GPC6: variants seen among roughly 807,000 people sequenced by gnomAD.
GPC6 encodes the protein glypican-6.
A neutral mutation model predicts 55.2 loss-of-function variants in GPC6; 14 were observed. The ratio of observed to expected loss-of-function variants is 0.25; its 90% CI spans 0.17 to 0.40. The LOEUF is 0.40. GPC6 is among the 10% of genes least tolerant of loss of function. The pLI, the probability that GPC6 is intolerant of heterozygous loss-of-function variation, is 1.00. For missense variants in GPC6, 641 were observed against 708.5 expected, an observed-to-expected ratio of 0.90 and a Z score of 1.08; for synonymous variants, 278 against 259.6, an observed-to-expected ratio of 1.07 and a Z score of -0.68.
chr13:93,546,446 C>T (rs959805905), intron 2 of GPC6, among the ~76,000 whole-genome samples: 12 of 152,148 alleles, frequency 7.9e-5, no homozygotes, highest in Non-Finnish European at 1.6e-4. Context: ...CTCAAAGTTA[C>T]GGAAGACAGG....
At chr13:93,629,359 A>T (rs1350322162) in intron 2 of GPC6, among the ~76,000 whole-genome samples, 6 of 152,158 alleles carry the variant, frequency 3.9e-5, no homozygotes, top group Non-Finnish European at 2.9e-5. Flanking sequence ...TTGAATGATT[A>T]TACTTATTAT....
At chr13:93,783,747 A>G (rs551944746) in intron 2 of GPC6, among the ~76,000 whole-genome samples, 1 of 152,282 alleles carries the variant, frequency 6.6e-6, no homozygotes, top group South Asian at 2.1e-4. Context: ...CCTATCATGC[A>G]GCCTACACTG....
At chr13:93,795,956 T>A (rs963497762) in intron 2 of GPC6, among the ~76,000 whole-genome samples, 3 of 151,770 alleles carry the variant, frequency 2.0e-5, no homozygotes, top group African/African-American at 7.3e-5. Flanking sequence ...ACGCCTGTAG[T>A]CCAGGTCACT....
At position 93,227,423 on chromosome 13, in the gene GPC6, T is replaced by G. The variant is rs1381279853; in HGVS notation, c.-34T>G. 1 of 1,610,558 alleles carries G rather than the reference T, an allele frequency of 6.2e-7. No individual in the cohort carries two copies. The highest frequency in any genetic ancestry group is 2.2e-5 in the East Asian group (1 of 44,740). On this transcript the variant is annotated 5_prime_UTR_variant, in exon 1 of 9. Coordinates refer to ENST00000377047, the MANE Select transcript of GPC6 (RefSeq NM_005708.5). The surrounding 1 kb of genome is among the most constrained non-coding windows in gnomAD (Gnocchi z 4.3). ...GGCAAGGTGAAGAGCGCACCGGCCG[T>G]GGGGTTTACCGAGCTGGATTTGTAT... is the stretch of plus-strand genomic sequence containing the variant.
chr13:93,719,602 C>G (rs973554567), intron 2 of GPC6, among the ~76,000 whole-genome samples: 1 of 151,988 alleles, frequency 6.6e-6, no homozygotes, highest in Non-Finnish European at 1.5e-5. Flanking sequence ...TTGCCCTGGC[C>G]AGAACTTCTA....
intron 4 of GPC6, among the ~76,000 whole-genome samples, chr13:94,045,087 C>T (rs1317657614): frequency 6.6e-6 from 1 of 151,628 alleles, no homozygotes; most frequent in Non-Finnish European, 1.5e-5. Context: ...ATTAGGGAAA[C>T]ATTTTCATTG....
At position 94,061,463 on chromosome 13, in the gene GPC6, T is replaced by A. The variant is rs565397879; in HGVS notation, c.877+33569T>A. On this transcript the variant is annotated intron_variant, in intron 4 of 8. Coordinates refer to ENST00000377047, the MANE Select transcript of GPC6 (RefSeq NM_005708.5). ...GTGACAGACATGGAAGCCAGAGTTG[T>A]GGCTGCAATAAATATTCATAACTGC... Among the ~76,000 whole-genome samples, 7 of 152,300 alleles carry A rather than the reference T, an allele frequency of 4.6e-5. No individual in the cohort carries two copies. In the East Asian group the frequency reaches 1.4e-3, roughly 29 times the overall value.
intron 3 of GPC6, among the ~76,000 whole-genome samples, chr13:93,882,142 G>C (rs992462181): frequency 2.5e-5 from 3 of 121,658 alleles, no homozygotes; most frequent in East Asian, 4.7e-4. Flanking sequence ...TTTTGTTTTT[G>C]TTTTATTTTT....
chr13:93,542,238 A>G (rs218881), intron 1 of GPC6, among the ~76,000 whole-genome samples: 2 of 152,212 alleles, frequency 1.3e-5, no homozygotes, highest in Admixed American at 1.3e-4. Context: ...AGCTTTCTAC[A>G]TATGGCTAGC....
At chr13:94,176,475 A>T (rs772252389) in intron 4 of GPC6, among the ~76,000 whole-genome samples, 4 of 152,138 alleles carry the variant, frequency 2.6e-5, no homozygotes, top group Non-Finnish European at 5.9e-5. Flanking sequence ...GCCTTTCCTA[A>T]CTCATTCACC....
intron 1 of GPC6, among the ~76,000 whole-genome samples, chr13:93,362,615 G>A (rs1045620185): frequency 6.6e-6 from 1 of 152,036 alleles, no homozygotes; most frequent in African/African-American, 2.4e-5. Context: ...AATAAATATG[G>A]CTGGAGTTAG....
At chr13:94,281,264 G>A (rs1190999221) in intron 4 of GPC6, among the ~76,000 whole-genome samples, 1 of 152,086 alleles carries the variant, frequency 6.6e-6, no homozygotes, top group African/African-American at 2.4e-5. Flanking sequence ...ATGTGCCATG[G>A]TGGTTTGCTG....
At chr13:93,736,439 TG>T (rs1486707436) in intron 2 of GPC6, among the ~76,000 whole-genome samples, 1 of 152,222 alleles carries the variant, frequency 6.6e-6, no homozygotes, top group African/African-American at 2.4e-5. Flanking sequence ...AGAGAATGCA[TG>T]CCACTTCTCT....
At chr13:94,216,526 A>T (rs1890228676) in intron 4 of GPC6, among the ~76,000 whole-genome samples, 2 of 152,242 alleles carry the variant, frequency 1.3e-5, no homozygotes, top group African/African-American at 4.8e-5. Flanking sequence ...AACCAAATTG[A>T]TATGAGAATC....
At chr13:93,572,910 A>G (rs1876475475) in intron 2 of GPC6, among the ~76,000 whole-genome samples, 1 of 152,186 alleles carries the variant, frequency 6.6e-6, no homozygotes, top group African/African-American at 2.4e-5. Context: ...AGAACTTCAT[A>G]AAAGAGAGCC....
chr13:93,564,305 G>C (rs1875975090), intron 2 of GPC6, among the ~76,000 whole-genome samples: 1 of 152,068 alleles, frequency 6.6e-6, no homozygotes. Flanking sequence ...AATGTCAGCA[G>C]ATATTGTATT....
chr13:94,113,001 T>C (rs1262286798), intron 4 of GPC6, among the ~76,000 whole-genome samples: 1 of 152,168 alleles, frequency 6.6e-6, no homozygotes, highest in African/African-American at 2.4e-5. Flanking sequence ...GATTAGATAC[T>C]TAATTCTCTT....
intron 3 of GPC6, among the ~76,000 whole-genome samples, chr13:93,838,479 A>T (rs1887824578): frequency 6.6e-6 from 1 of 152,202 alleles, no homozygotes; most frequent in African/African-American, 2.4e-5. Flanking sequence ...TTTGGAAATG[A>T]GGCCGGGAAG....
chr13:93,722,819 G>A (rs1041306407), intron 2 of GPC6, among the ~76,000 whole-genome samples: 4 of 151,636 alleles, frequency 2.6e-5, no homozygotes, highest in African/African-American at 9.7e-5. Flanking sequence ...GGTATTCCTC[G>A]ACTTGTAGAC....
Sources: allele counts gnomAD v4.1 joint callset (sites outside exome capture counted in the v4.1 genomes callset), GRCh38; gene constraint gnomAD v4.1.1; non-coding constraint Gnocchi (gnomAD v3.1); transcripts MANE v1.5; gene names NCBI Gene and HGNC (gene_info 2026-07-23, HGNC 2026-07-21).